Variants in GRIP2 observed in about 807,000 individuals in gnomAD.
GRIP2 encodes glutamate receptor interacting protein 2.
GRIP2 carries 58 observed loss-of-function variants against 108.3 expected under a neutral mutation model. The observed-to-expected ratio is 0.54, with a 90% CI of 0.43 to 0.67. GRIP2 has a LOEUF of 0.67. GRIP2 is among the 30% of genes least tolerant of loss of function. GRIP2 has a pLI of 0.00. For missense variants in GRIP2, 1,278 were observed against 1,430.6 expected (o/e 0.89, Z 1.72); for synonymous variants, 586 against 598.2 (o/e 0.98, Z 0.30).
chr3:14,537,747 G>A (rs1694868042), intron 1 of GRIP2, among the ~76,000 whole-genome samples: 1 of 152,204 alleles, frequency 6.6e-6, no homozygotes, highest in Non-Finnish European at 1.5e-5. Flanking sequence ...GGAGGAGTGG[G>A]TAGCCCAGGG....
chr3:14,562,249 G>A, the GRIP2 span, among the ~76,000 whole-genome samples: 3 of 152,178 alleles, frequency 2.0e-5, no homozygotes, highest in Non-Finnish European at 4.4e-5. Flanking sequence ...GGCTGAGGCA[G>A]GGAAAATGCA....
chr3:14,500,088 A>G (rs2124846486), intron 21 of GRIP2, among the ~76,000 whole-genome samples: 1 of 152,358 alleles, frequency 6.6e-6, no homozygotes, highest in South Asian at 2.1e-4. Context: ...AAACAAAACA[A>G]AATTGTAGGA....
chr3:14,580,525 G>A, the GRIP2 span, among the ~76,000 whole-genome samples: 2 of 152,154 alleles, frequency 1.3e-5, no homozygotes, highest in African/African-American at 4.8e-5. Context: ...GTGAGACCTT[G>A]TCTCTACAAA....
intron 1 of GRIP2, among the ~76,000 whole-genome samples, chr3:14,531,726 C>T (rs568271718): frequency 2.4e-4 from 37 of 152,324 alleles, no homozygotes; most frequent in African/African-American, 8.7e-4. Context: ...GCAGCGTCTA[C>T]CAAGAGCTGG....
chr3:14,505,697 G>C lies in GRIP2; in HGVS notation c.2491C>G (p.Arg831Gly). The C allele has an allele frequency of 6.3e-7, 1 of 1,597,030 alleles. No homozygotes were observed. ...GGGGTTGGGGTATAGCTCGTCCTCC[G>C]GGGCTCGGTGGGTGGGGGGCTGCCC... Reference protein sequence around the residue: ...LRGSPPPTEPRRTSYTPTPAD... With the variant: ...LRGSPPPTEPGRTSYTPTPAD... The change falls in exon 20 of 24, where the codon CGG (arginine) becomes GGG (glycine). Residue 831 changes from arginine (R) to glycine (G), a missense_variant. Transcript: ENST00000621039. The surrounding 1 kb of genome is among the most constrained non-coding windows in gnomAD (Gnocchi z 4.2).
Position 14,512,641 on chromosome 3 carries a change from C to T in GRIP2, c.1720+136G>A, listed in dbSNP as rs747864567. 5.7e-5 allele frequency: 44 copies of T among 765,900 alleles called. No homozygotes were observed. The highest frequency in any genetic ancestry group is 1.4e-4 in the South Asian group (8 of 55,518). 47.4% of individuals were successfully genotyped at this position (765,900 alleles called of 1,614,324 possible). Reference sequence around the variant, plus strand: ...CAGCTGGGTCCACGGAAGCCAGCCTCCCCACACCCCCAAGCCTTTTCCTCG... The same window carrying T: ...CAGCTGGGTCCACGGAAGCCAGCCTTCCCACACCCCCAAGCCTTTTCCTCG... On this transcript the variant is annotated intron_variant, in intron 14 of 23. Coordinates refer to ENST00000621039, the MANE Select transcript of GRIP2 (RefSeq NM_001080423.4). This position sits in a 1 kb window ranked among gnomAD's most constrained non-coding sequence, Gnocchi z 5.1.
chr3:14,499,281 C>T (rs1242331436), intron 21 of GRIP2, among the ~76,000 whole-genome samples: 3 of 152,300 alleles, frequency 2.0e-5, no homozygotes, highest in South Asian at 2.1e-4. Flanking sequence ...GCATCGACAA[C>T]GCAGAGCGCA....
the GRIP2 span, among the ~76,000 whole-genome samples, chr3:14,577,899 AC>A: frequency 3.3e-5 from 5 of 152,080 alleles, no homozygotes; most frequent in African/African-American, 9.7e-5. Flanking sequence ...GATGGTGCAA[AC>A]CCTCTCAGCT....
chr3:14,497,807 G>T (rs138965307), intron 21 of GRIP2, among the ~76,000 whole-genome samples: 4 of 152,278 alleles, frequency 2.6e-5, no homozygotes, highest in Non-Finnish European at 5.9e-5. Flanking sequence ...TGCCAGTGGG[G>T]AAGGAGAGAA....
intron 11 of GRIP2, among the ~76,000 whole-genome samples, chr3:14,515,148 A>C (rs1345345585): frequency 6.6e-6 from 1 of 152,242 alleles, no homozygotes; most frequent in Admixed American, 6.5e-5. Context: ...AAGTTCATCC[A>C]CATTTTGCAG....
At chr3:14,542,136 C>T (rs1694985908), upstream of GRIP2, 2 of 1,112,180 alleles carry the variant, frequency 1.8e-6, no homozygotes, top group Non-Finnish European at 2.4e-6. Flanking sequence ...CTTTCTCTTT[C>T]TCTCTTTTTA....
At chr3:14,585,595 C>G in the GRIP2 span, among the ~76,000 whole-genome samples, 3 of 152,204 alleles carry the variant, frequency 2.0e-5, no homozygotes, top group Admixed American at 1.3e-4. Flanking sequence ...CAGACGTGAG[C>G]TGCAAGGAGG....
At chr3:14,599,713 T>TTG in the GRIP2 span, among the ~76,000 whole-genome samples, 128 of 73,562 alleles carry the variant, frequency 1.7e-3, no homozygotes, top group African/African-American at 6.3e-3. Context: ...GTGTGTGTGT[T>TTG]TGTGTGTGTG....
At position 14,505,741 on chromosome 3, in the gene GRIP2, C is replaced by T. The variant is rs751708388; in HGVS notation, c.2447G>A (p.Arg816Gln). ...GCTGCCCCTCAGCCAGCCAGGCCTC[C>T]GCTCCTGGGGGGTCGTGCCCCGGGC... Reference protein sequence around the residue: ...AAARGTTPQERRPGWLRGSPP... With the variant: ...AAARGTTPQEQRPGWLRGSPP... Residue 816 changes from arginine to glutamine, a missense_variant, in exon 20 of 24, where the codon CGG (arginine) becomes CAG (glutamine). By Grantham distance (43) the Arg-to-Gln change is conservative (BLOSUM62 1). Transcript: ENST00000621039. This position sits in a 1 kb window ranked among gnomAD's most constrained non-coding sequence, Gnocchi z 4.2. 40 of 1,582,656 alleles carry T rather than the reference C, an allele frequency of 2.5e-5. No individual in the cohort carries two copies. The highest frequency in any genetic ancestry group is 3.3e-4 in the Middle Eastern group (2 of 6,012).
At chr3:14,548,478 G>A (rs934478948) in intron 1 of GRIP2, among the ~76,000 whole-genome samples, 1 of 152,124 alleles carries the variant, frequency 6.6e-6, no homozygotes, top group African/African-American at 2.4e-5. Context: ...TGGTAATCAA[G>A]GCATGAGGGT....
chr3:14,524,598 T>C, intron 3 of GRIP2, 60 bp from the exon 4 acceptor site: 1 of 1,505,806 alleles, frequency 6.6e-7, no homozygotes, highest in Non-Finnish European at 9.0e-7. Flanking sequence ...AGTCCTGGCA[T>C]TCACACCCAC....
chr3:14,530,423 G>C (rs1360224002), intron 1 of GRIP2, among the ~76,000 whole-genome samples: 1 of 152,104 alleles, frequency 6.6e-6, no homozygotes, highest in Admixed American at 6.5e-5. Context: ...GAGTGGAAAT[G>C]CATGTATAGG....
chr3:14,600,811 T>C, the GRIP2 span, among the ~76,000 whole-genome samples: 1 of 152,208 alleles, frequency 6.6e-6, no homozygotes, highest in Non-Finnish European at 1.5e-5. Flanking sequence ...CACCCTCTGA[T>C]TTAGTGCGGA....
intron 1 of GRIP2, among the ~76,000 whole-genome samples, chr3:14,527,414 G>GGAAAGAAA (rs1392008435): frequency 1.4e-5 from 1 of 70,986 alleles, no homozygotes; most frequent in Non-Finnish European, 3.7e-5. Flanking sequence ...AAGAAGGAAA[G>GGAAAGAAA]CGAGGGGAGG....
Sources: allele counts gnomAD v4.1 joint callset (sites outside exome capture counted in the v4.1 genomes callset), GRCh38; gene constraint gnomAD v4.1.1; non-coding constraint Gnocchi (gnomAD v3.1); transcripts MANE v1.5; gene names NCBI Gene and HGNC (gene_info 2026-07-23, HGNC 2026-07-21).